SYNM: variants seen among roughly 807,000 people sequenced by gnomAD.
The protein encoded by SYNM is synemin, also known as desmuslin.
A neutral mutation model predicts 104.0 loss-of-function variants in SYNM; 95 were observed. The ratio of observed to expected loss-of-function variants is 0.91; its 90% confidence interval spans 0.77 to 1.08. The LOEUF (loss-of-function observed/expected upper bound fraction) is 1.08. Ranked by LOEUF, SYNM falls within the 50% of genes least tolerant of loss-of-function variation. SYNM has a pLI of 0.00. For missense variants in SYNM, 2,150 were observed against 2,052.2 expected, an observed-to-expected ratio of 1.05 and a Z score of -0.92; for synonymous variants, 918 against 869.0, an observed-to-expected ratio of 1.06 and a Z score of -0.99.
chr15:99,131,326 T>A lies in SYNM; in HGVS notation c.2966T>A (p.Val989Asp), dbSNP rs782015221. Residue 989 changes from valine (V) to aspartate (D), a missense_variant, in exon 4 of 4, where the codon GTC (valine) becomes GAC (aspartate). By Grantham distance (152) the Val-to-Asp change is radical. Coordinates refer to ENST00000336292, the MANE Select transcript of SYNM (RefSeq NM_145728.3). The surrounding 1 kb of genome is among the most constrained non-coding windows in gnomAD (Gnocchi z 4.3). ...AGCGTTTCCGTGGATGTCAAGAAGG[T>A]CCAGGGTGCTGGTGGCAGTTCCGTG... Reference protein sequence around the residue: ...PGSVSVDVKKVQGAGGSSVTL... With the variant: ...PGSVSVDVKKDQGAGGSSVTL... The A allele has an allele frequency of 4.3e-6, 7 of 1,613,232 alleles. No homozygotes were observed. Among genetic ancestry groups the A allele is most frequent in the Non-Finnish European group, 5.9e-6 (7 of 1,179,688 alleles).
At chr15:99,112,777 C>T (rs916102543) in intron 1 of SYNM, among the ~76,000 whole-genome samples, 4 of 152,224 alleles carry the variant, frequency 2.6e-5, no homozygotes, top group Non-Finnish European at 5.9e-5. Flanking sequence ...GTGGCATGAT[C>T]TTGGCTCACT....
intron 2 of SYNM, among the ~76,000 whole-genome samples, chr15:99,115,229 G>T (rs566545761): frequency 6.6e-6 from 1 of 152,206 alleles, no homozygotes. Context: ...TGTGGAAACC[G>T]CTTTGGCAGA....
chr15:99,127,258 C>T (rs2067456368), intron 3 of SYNM, among the ~76,000 whole-genome samples: 1 of 152,184 alleles, frequency 6.6e-6, no homozygotes, highest in Non-Finnish European at 1.5e-5. Context: ...GTTTACACCA[C>T]CCTAGGTTGT....
chr15:99,118,006 C>G (rs1343825113), intron 2 of SYNM, among the ~76,000 whole-genome samples: 2 of 152,172 alleles, frequency 1.3e-5, no homozygotes, highest in African/African-American at 4.8e-5. Context: ...TTCTGCTGTC[C>G]AAGTTTGCAT....
At chr15:99,121,602 C>A (rs1437756348) in intron 2 of SYNM, among the ~76,000 whole-genome samples, 1 of 152,192 alleles carries the variant, frequency 6.6e-6, no homozygotes, top group Non-Finnish European at 1.5e-5. Context: ...CTGCAGCGCC[C>A]CAAACCCTCT....
At chr15:99,141,292 T>A in the SYNM span, among the ~76,000 whole-genome samples, 1 of 152,054 alleles carries the variant, frequency 6.6e-6, no homozygotes, top group Non-Finnish European at 1.5e-5. Context: ...GATTACAAAG[T>A]CAAGGGGAAA....
chr15:99,114,681 A>AGGGGCTG (rs1300717385), intron 2 of SYNM, among the ~76,000 whole-genome samples: 44 of 152,002 alleles, frequency 2.9e-4, no homozygotes, highest in African/African-American at 1.1e-3. Context: ...AAGCGCTCAA[A>AGGGGCTG]GGGGCTGGGT....
intron 1 of SYNM, among the ~76,000 whole-genome samples, chr15:99,107,739 G>A (rs903398690): frequency 1.3e-5 from 2 of 152,080 alleles, no homozygotes; most frequent in Non-Finnish European, 2.9e-5. Flanking sequence ...TTAGAATCCT[G>A]TGCAGCCCTC....
chr15:99,138,034 G>C (rs782239016), downstream of SYNM: 6 of 1,613,990 alleles, frequency 3.7e-6, no homozygotes, highest in Non-Finnish European at 5.1e-6. Flanking sequence ...TGCCGGGCCG[G>C]GCCTTCCCCA....
chr15:99,109,234 G>C (rs782454220), intron 1 of SYNM, among the ~76,000 whole-genome samples: 1 of 152,230 alleles, frequency 6.6e-6, no homozygotes, highest in South Asian at 2.1e-4. Context: ...CCCGAGAAGA[G>C]TTTGCTGAAC....
At chr15:99,139,615 ACT>A (rs1428172634), downstream of SYNM, 23 of 1,518,958 alleles carry the variant, frequency 1.5e-5, no homozygotes, top group South Asian at 6.1e-5. Flanking sequence ...ATTTCACAAA[ACT>A]CTCTGTGACT....
chr15:99,125,580 A>G (rs182662177), intron 2 of SYNM, among the ~76,000 whole-genome samples: 1 of 152,198 alleles, frequency 6.6e-6, no homozygotes, highest in Non-Finnish European at 1.5e-5. Context: ...TCTCGTGTTC[A>G]TGGGGCTCAC....
chr15:99,129,534 G>T lies in SYNM; in HGVS notation c.1174G>T (p.Gly392Cys). ...ATCTCAGACGGGCACATCTATTGGA[G>T]GTGATGCCAGAAGAGGCTTCTTGGG... Reference protein sequence around the residue: ...RGSQTGTSIGGDARRGFLGSG... With the variant: ...RGSQTGTSIGCDARRGFLGSG... The change falls in exon 4 of 4, where the codon GGT (glycine) becomes TGT (cysteine). Residue 392 changes from glycine to cysteine, a missense_variant. Gly to Cys is a radical substitution (Grantham distance 159, BLOSUM62 -3). Transcript: ENST00000336292. The T allele has an allele frequency of 6.2e-7, 1 of 1,614,000 alleles. No individual in the cohort carries two copies. The highest frequency in any genetic ancestry group is 1.1e-5 in the South Asian group (1 of 91,072).
rs373395816 is a variant in SYNM at position 99,130,536 on chromosome 15, A to G, written c.2176A>G (p.Ile726Val). Residue 726 changes from isoleucine (I) to valine (V), a missense_variant, in exon 4 of 4, where the codon ATA becomes GTA. Physicochemically the swap from Ile to Val is conservative, Grantham distance 29. Transcript: ENST00000336292. ...GLKGKSAEQM[I>V]GDIINLGLKG... ...GAAAGGCAAGTCAGCCGAGCAGATG[A>G]TAGGAGACATCATCAACCTCGGCCT... 3.3e-5 allele frequency: 54 copies of G among 1,613,798 alleles called. No individual in the cohort carries two copies. The African/African-American group carries it at 5.6e-4, about 17-fold the overall frequency.
intron 3 of SYNM, 125 bp downstream of exon 3, chr15:99,126,917 T>C (rs2067453575): frequency 1.3e-6 from 1 of 767,446 alleles, no homozygotes; most frequent in Non-Finnish European, 2.0e-6. Flanking sequence ...CAGGAGTTCA[T>C]CTCTCATTTA....
rs782639826 is a variant in SYNM at position 99,131,469 on chromosome 15, G to A, written c.3109G>A (p.Glu1037Lys). The A allele has an allele frequency of 6.8e-6, 11 of 1,606,404 alleles. No individual in the cohort carries two copies. Among genetic ancestry groups the A allele is most frequent in the Non-Finnish European group, 9.3e-6 (11 of 1,179,318 alleles). Residue 1037 changes from glutamate (E) to lysine (K), a missense_variant, in exon 4 of 4, where the codon GAG becomes AAG. Glu to Lys is a moderately conservative substitution (Grantham distance 56). Coordinates refer to ENST00000336292, the MANE Select transcript of SYNM (RefSeq NM_145728.3). This position sits in a 1 kb window ranked among gnomAD's most constrained non-coding sequence, Gnocchi z 4.3. Reference sequence around the variant, plus strand: ...GAAGGCTGTGGAGTCGGTGGTTCGGGAGAGCCTGAGCAGGCAACGCAGCCC... The same window carrying A: ...GAAGGCTGTGGAGTCGGTGGTTCGGAAGAGCCTGAGCAGGCAACGCAGCCC... ...MEKAVESVVR[E>K]SLSRQRSPAP...
chr15:99,109,069 T>C (rs1397138033), intron 1 of SYNM, among the ~76,000 whole-genome samples: 6 of 152,146 alleles, frequency 3.9e-5, no homozygotes, highest in Admixed American at 1.3e-4. Context: ...TGTGCCCAGC[T>C]CTCCCTGCCT....
chr15:99,133,328 G>T lies in SYNM; in HGVS notation c.*270G>T. On this transcript the variant is annotated 3_prime_UTR_variant, in exon 4 of 4. Coordinates refer to ENST00000336292, the MANE Select transcript of SYNM (RefSeq NM_145728.3). ...CTGGAGTCTTCTCTCCACTTCTGGA[G>T]ATGAATTTCTATGTTTTGCACCTGG... 1 of 477,862 alleles carries T rather than the reference G, an allele frequency of 2.1e-6. No individual in the cohort carries two copies. Among genetic ancestry groups the T allele is most frequent in the Non-Finnish European group, 3.5e-6 (1 of 283,996 alleles). The allele number at this position is 477,862 out of a possible 1,614,324, so 29.6% of individuals were successfully genotyped here.
intron 2 of SYNM, among the ~76,000 whole-genome samples, chr15:99,117,008 G>A (rs1438209696): frequency 7.0e-6 from 1 of 143,860 alleles, no homozygotes; most frequent in African/African-American, 2.5e-5. Flanking sequence ...CAGATCTCAT[G>A]TGGACTCATA....
Sources: allele counts gnomAD v4.1 joint callset (sites outside exome capture counted in the v4.1 genomes callset), GRCh38; gene constraint gnomAD v4.1.1; non-coding constraint Gnocchi (gnomAD v3.1); transcripts MANE v1.5; gene names NCBI Gene and HGNC (gene_info 2026-07-23, HGNC 2026-07-21).